SOX5: variants seen among roughly 807,000 people sequenced by gnomAD.
SOX5 encodes SRY-box transcription factor 5.
Under a neutral mutation model 92.0 loss-of-function variants are expected in SOX5, and 9 were observed. The observed-to-expected ratio is 0.10, with a 90% CI of 0.06 to 0.17. The LOEUF (loss-of-function observed/expected upper bound fraction) is 0.17. Ranked by LOEUF, SOX5 falls within the 10% of genes least tolerant of loss-of-function variation. The probability of loss-of-function intolerance (pLI) is 1.00; values close to 1 mark genes in which losing one functional copy is unlikely to be tolerated. For synonymous variants in SOX5, 344 were observed against 336.3 expected (o/e 1.02, Z -0.25); for missense variants, 642 against 944.5 (o/e 0.68, Z 4.20).
intron 2 of SOX5, among the ~76,000 whole-genome samples, chr12:24,314,444 A>G (rs1256750747): frequency 1.3e-5 from 2 of 152,138 alleles, no homozygotes; most frequent in African/African-American, 4.8e-5. Context: ...GCAGCACACC[A>G]ATATGGCACA....
intron 4 of SOX5, among the ~76,000 whole-genome samples, chr12:24,058,609 A>T (rs1005836928): frequency 9.9e-5 from 15 of 152,228 alleles, no homozygotes; most frequent in Non-Finnish European, 1.5e-4. Context: ...ACTTTTGCAA[A>T]GAAAAAAATT....
At chr12:24,465,160 T>G (rs996171117) in intron 1 of SOX5, among the ~76,000 whole-genome samples, 4 of 152,194 alleles carry the variant, frequency 2.6e-5, no homozygotes, top group Middle Eastern at 3.2e-3. Flanking sequence ...CTCTCACGGA[T>G]GGGAAAACTG....
chr12:24,216,946 C>A (rs536751788), intron 3 of SOX5, among the ~76,000 whole-genome samples: 4 of 152,204 alleles, frequency 2.6e-5, no homozygotes, highest in African/African-American at 7.2e-5. Flanking sequence ...AATAAAACTA[C>A]GAACATGAGG....
At chr12:23,970,256 T>C (rs1391766972) in intron 4 of SOX5, among the ~76,000 whole-genome samples, 1 of 152,162 alleles carries the variant, frequency 6.6e-6, no homozygotes, top group Admixed American at 6.5e-5. Context: ...TTTAACAGTT[T>C]TGTTGAGATA....
chr12:23,803,045 G>A (rs2095692573), intron 3 of SOX5, among the ~76,000 whole-genome samples: 1 of 151,746 alleles, frequency 6.6e-6, no homozygotes, highest in Non-Finnish European at 1.5e-5. Context: ...GTATTCTCTT[G>A]GACTCTTCCT....
chr12:24,502,471 A>G (rs1948310463), intron 1 of SOX5, among the ~76,000 whole-genome samples: 1 of 152,210 alleles, frequency 6.6e-6, no homozygotes. Context: ...AATATAACCT[A>G]CTGATAATGG....
At chr12:23,535,378 G>A (rs1465434402) in intron 14 of SOX5, among the ~76,000 whole-genome samples, 1 of 152,162 alleles carries the variant, frequency 6.6e-6, no homozygotes, top group Admixed American at 6.5e-5. Context: ...GCAGCTTCAT[G>A]GATGTACAAA....
Position 23,705,449 on chromosome 12 carries a change from C to T in SOX5, c.810+29235G>A, listed in dbSNP as rs185499109. ...TCAGAGGCTTTGTGCACACTAATCA[C>T]ACCCTTTATCTTTCTAATGTTGAGG... is the stretch of plus-strand genomic sequence containing the variant. On this transcript the variant is annotated intron_variant, in intron 6 of 14. Transcript: ENST00000451604. 9.9e-4 allele frequency among the ~76,000 whole-genome samples: 151 copies of T among 152,044 alleles called. 1 individual carries two copies. Among genetic ancestry groups the T allele is most frequent in the African/African-American group, 3.6e-3 (149 of 41,498 alleles).
chr12:23,672,281 G>A (rs1250746032), intron 6 of SOX5, among the ~76,000 whole-genome samples: 2 of 152,034 alleles, frequency 1.3e-5, no homozygotes, highest in Non-Finnish European at 2.9e-5. Context: ...CCAGAAAACA[G>A]CACAAGCATG....
chr12:24,437,598 A>T (rs1222657734), intron 1 of SOX5, among the ~76,000 whole-genome samples: 2 of 152,224 alleles, frequency 1.3e-5, no homozygotes, highest in East Asian at 3.8e-4. Flanking sequence ...AAGAAAAAAC[A>T]AACAACCCCA....
chr12:23,780,909 A>T (rs1444847445), intron 3 of SOX5, among the ~76,000 whole-genome samples: 1 of 152,024 alleles, frequency 6.6e-6, no homozygotes, highest in Non-Finnish European at 1.5e-5. Flanking sequence ...GCTCTACTCT[A>T]GACATGAGGA....
intron 10 of SOX5, among the ~76,000 whole-genome samples, chr12:23,566,783 A>G (rs1162096608): frequency 6.6e-6 from 1 of 152,258 alleles, no homozygotes; most frequent in Admixed American, 6.5e-5. Flanking sequence ...AATGAAAGCT[A>G]TTCAGTAACT....
rs369566437 is a variant in SOX5 at position 24,129,014 on chromosome 12, C to G, written c.-2+84329G>C. 1.4e-4 allele frequency among the ~76,000 whole-genome samples: 21 copies of G among 152,140 alleles called. 1 individual carries two copies. Among genetic ancestry groups the G allele is most frequent in the African/African-American group, 5.1e-4 (21 of 41,436 alleles). ...ACTGGGATTTGCTGATGGATTTAAA[C>G]GCAATTATGCACATTTACAAGGACA... On this transcript the variant is annotated intron_variant, in intron 4 of 4. Coordinates refer to the SOX5 transcript ENST00000446891.
intron 2 of SOX5, among the ~76,000 whole-genome samples, chr12:24,288,979 C>T (rs1159482189): frequency 6.6e-6 from 1 of 152,054 alleles, no homozygotes. Context: ...ACGTAACCAC[C>T]TAAATAATGA....
At chr12:23,737,274 A>G (rs989280010) in intron 5 of SOX5, among the ~76,000 whole-genome samples, 5 of 152,000 alleles carry the variant, frequency 3.3e-5, no homozygotes, top group African/African-American at 9.7e-5. Context: ...CCCTGAGAGT[A>G]CTTTTTAAAA....
chr12:24,015,094 GTCTC>G (rs371463807), intron 4 of SOX5, among the ~76,000 whole-genome samples: 11 of 150,762 alleles, frequency 7.3e-5, no homozygotes, highest in Admixed American at 3.3e-4. Flanking sequence ...TTCTCTTTCT[GTCTC>G]TCTCTCTCTC....
chr12:23,763,811 G>C (rs1446528120), intron 3 of SOX5, among the ~76,000 whole-genome samples: 2 of 151,946 alleles, frequency 1.3e-5, no homozygotes, highest in Non-Finnish European at 2.9e-5. Context: ...TTCAACCAAT[G>C]GTAATAGTTA....
At chr12:23,927,604 C>G (rs1175977818) in intron 1 of SOX5, among the ~76,000 whole-genome samples, 1 of 151,954 alleles carries the variant, frequency 6.6e-6, no homozygotes, top group Non-Finnish European at 1.5e-5. Flanking sequence ...ACCTCACAGA[C>G]TATATAAAGT....
chr12:24,336,710 G>A (rs1397484253), intron 2 of SOX5, among the ~76,000 whole-genome samples: 1 of 152,080 alleles, frequency 6.6e-6, no homozygotes, highest in Non-Finnish European at 1.5e-5. Flanking sequence ...AAAGAAGAAA[G>A]AAAATGCCCT....
Sources: allele counts gnomAD v4.1 joint callset (sites outside exome capture counted in the v4.1 genomes callset), GRCh38; gene constraint gnomAD v4.1.1; transcripts MANE v1.5; gene names NCBI Gene and HGNC (gene_info 2026-07-23, HGNC 2026-07-21).